The following GASK1A variants were observed in gnomAD, a reference collection of about 807,000 sequenced individuals.
GASK1A encodes Golgi-associated kinase 1A.
A neutral mutation model predicts 41.2 loss-of-function variants in GASK1A; 40 were observed. The ratio of observed to expected loss-of-function variants is 0.97; its 90% confidence interval spans 0.75 to 1.27. The LOEUF is 1.27. Among genes scored for constraint, GASK1A ranks in the 50% most tolerant of loss-of-function variants. GASK1A has a pLI of 0.00. For synonymous variants in GASK1A, 316 were observed against 307.1 expected, an observed-to-expected ratio of 1.03 and a Z score of -0.30; for missense variants, 678 against 745.1, an observed-to-expected ratio of 0.91 and a Z score of 1.05.
rs1486756961 is a variant in GASK1A, at chr3:42,984,701, TA to T, written c.3+5057del. On this transcript the variant is annotated intron_variant, in intron 1 of 4. Transcript: ENST00000430121. The surrounding 1 kb of genome is among the most constrained non-coding windows in gnomAD (Gnocchi z 4.2). Reference sequence around the variant, plus strand: ...AGTGACTTTATTCTAAAGCTTAGCTTAGGGGAAGAGGTACAGGCTCCTGCCT... The same window carrying T: ...AGTGACTTTATTCTAAAGCTTAGCTTGGGGAAGAGGTACAGGCTCCTGCCT... 6.6e-5 allele frequency among the ~76,000 whole-genome samples: 10 copies of T among 152,134 alleles called. No homozygotes were observed. Among genetic ancestry groups the T allele is most frequent in the Non-Finnish European group, 2.9e-5 (2 of 68,034 alleles).
intron 1 of GASK1A, among the ~76,000 whole-genome samples, chr3:43,022,266 T>C (rs2125683348): frequency 6.6e-6 from 1 of 152,308 alleles, no homozygotes; most frequent in African/African-American, 2.4e-5. Context: ...TTTACTTGGG[T>C]GGCCCTCCCT....
At chr3:43,004,187 G>C (rs2089423394) in intron 1 of GASK1A, among the ~76,000 whole-genome samples, 1 of 152,146 alleles carries the variant, frequency 6.6e-6, no homozygotes, top group Admixed American at 6.5e-5. Flanking sequence ...TGAGTTTTTA[G>C]TATTTAGCAT....
chr3:42,994,230 A>C (rs1575435882), intron 1 of GASK1A, among the ~76,000 whole-genome samples: 1 of 152,162 alleles, frequency 6.6e-6, no homozygotes, highest in African/African-American at 2.4e-5. Context: ...TCTCAGGGGC[A>C]TCTTGTATAG....
rs139402589 is a variant in GASK1A at position 43,046,223 on chromosome 3, C to T, written c.1291-7298C>T. Among the ~76,000 whole-genome samples, 301 of 152,262 alleles carry T rather than the reference C, an allele frequency of 2.0e-3. 3 individuals carry two copies. Among genetic ancestry groups the T allele is most frequent in the African/African-American group, 6.9e-3 (286 of 41,550 alleles). On this transcript the variant is annotated intron_variant, in intron 2 of 4. Coordinates refer to ENST00000430121, the MANE Select transcript of GASK1A (RefSeq NM_001129908.3). ...GGAACTTCCTAGAAACTTGTTGAATCGCTTTGAACAAAATGTTGATAGTGA... is the reference window on the plus strand; with the variant it reads ...GGAACTTCCTAGAAACTTGTTGAATTGCTTTGAACAAAATGTTGATAGTGA...
intron 2 of GASK1A, among the ~76,000 whole-genome samples, chr3:43,049,832 C>G (rs928162414): frequency 3.3e-5 from 5 of 152,082 alleles, no homozygotes; most frequent in Non-Finnish European, 7.4e-5. Context: ...ACTGGGATTA[C>G]CATTAACATC....
chr3:43,011,437 G>A (rs1180896488), intron 1 of GASK1A, among the ~76,000 whole-genome samples: 1 of 151,610 alleles, frequency 6.6e-6, no homozygotes, highest in Non-Finnish European at 1.5e-5. Flanking sequence ...ATTGCAAATA[G>A]GAACCTTTTT....
At chr3:42,981,086 GC>G (rs2089280686) in intron 1 of GASK1A, among the ~76,000 whole-genome samples, 1 of 152,190 alleles carries the variant, frequency 6.6e-6, no homozygotes, top group African/African-American at 2.4e-5. Context: ...TGGTGTGTTT[GC>G]CCCACTGCCA....
In GASK1A at chr3:43,014,897, G is replaced by A. The variant is rs533821093; in HGVS notation, c.4-17370G>A. On this transcript the variant is annotated intron_variant, in intron 1 of 4. Transcript: ENST00000430121. ...GAGGCACTGTGAAATCACAGGAAGA[G>A]GCTGTTTTACGCCCTGGGAATGGGC... 8.5e-4 allele frequency among the ~76,000 whole-genome samples: 129 copies of A among 152,182 alleles called. 1 individual carries two copies. Among genetic ancestry groups the A allele is most frequent in the African/African-American group, 2.9e-3 (122 of 41,508 alleles).
At chr3:42,985,094 C>CT (rs1336389355) in intron 1 of GASK1A, among the ~76,000 whole-genome samples, 1 of 147,418 alleles carries the variant, frequency 6.8e-6, no homozygotes, top group African/African-American at 2.4e-5. Context: ...GGTAGAGCTT[C>CT]TAACTGCATT....
At chr3:42,999,195 T>C (rs28601753) in intron 1 of GASK1A, among the ~76,000 whole-genome samples, 24,819 of 152,144 alleles carry the variant, frequency 0.16, 2,207 homozygotes, top group Non-Finnish European at 0.2. Context: ...CTGTCCCCCT[T>C]CTTGAACTTG....
intron 2 of GASK1A, among the ~76,000 whole-genome samples, chr3:43,039,151 C>CAA (rs1483666125): frequency 2.0e-5 from 3 of 147,282 alleles, no homozygotes; most frequent in Non-Finnish European, 3.0e-5. Flanking sequence ...TTTTTTTAAA[C>CAA]ATCTATTTTT....
chr3:43,053,975 C>T (rs566549776), intron 3 of GASK1A: 7 of 388,496 alleles, frequency 1.8e-5, no homozygotes, highest in African/African-American at 8.3e-5. Flanking sequence ...TCAACATCCT[C>T]GTTGTGCCAG....
At chr3:43,006,228 G>A (rs963835627) in intron 1 of GASK1A, among the ~76,000 whole-genome samples, 7 of 152,130 alleles carry the variant, frequency 4.6e-5, no homozygotes, top group African/African-American at 1.7e-4. Flanking sequence ...GTGCACAGCC[G>A]TTGGCTTAGG....
intron 1 of GASK1A, among the ~76,000 whole-genome samples, chr3:42,994,209 AG>A (rs11305751): frequency 0.5 from 76,307 of 151,960 alleles, 20,300 homozygotes; most frequent in East Asian, 0.76. Context: ...GCATGGTCCC[AG>A]GGGTCTGGGT....
At chr3:42,982,743 C>G (rs1275108628) in intron 1 of GASK1A, among the ~76,000 whole-genome samples, 2 of 152,210 alleles carry the variant, frequency 1.3e-5, no homozygotes, top group Non-Finnish European at 2.9e-5. Flanking sequence ...CGGCCTCTTT[C>G]TCTATCCAAG....
Position 42,984,023 on chromosome 3 carries a change from C to T in GASK1A, c.3+4378C>T, listed in dbSNP as rs1330531908. Among the ~76,000 whole-genome samples the T allele has an allele frequency of 6.6e-6, 1 of 152,286 alleles. No homozygotes were observed. The highest frequency in any genetic ancestry group is 1.9e-4 in the East Asian group (1 of 5,168). On this transcript the variant is annotated intron_variant, in intron 1 of 4. Coordinates refer to ENST00000430121, the MANE Select transcript of GASK1A (RefSeq NM_001129908.3). This position sits in a 1 kb window ranked among gnomAD's most constrained non-coding sequence, Gnocchi z 4.2. ...TCTGGGAGGCCCAATGTCTGCTCCC[C>T]ACCTAAGGTACTAGTAGAGACACAG...
intron 1 of GASK1A, among the ~76,000 whole-genome samples, chr3:43,029,964 G>A (rs1185297913): frequency 6.6e-6 from 1 of 152,194 alleles, no homozygotes; most frequent in Non-Finnish European, 1.5e-5. Flanking sequence ...GAAGGGGAAG[G>A]TCAAATGGGT....
At chr3:43,011,380 CAAAAA>C (rs55954875) in intron 1 of GASK1A, among the ~76,000 whole-genome samples, 87 of 87,188 alleles carry the variant, frequency 1.0e-3, no homozygotes, top group Non-Finnish European at 1.2e-3. Flanking sequence ...GACTCCATCT[CAAAAA>C]AAAAAAAAAA....
At chr3:43,010,082 G>A (rs2089455974) in intron 1 of GASK1A, among the ~76,000 whole-genome samples, 1 of 152,174 alleles carries the variant, frequency 6.6e-6, no homozygotes, top group African/African-American at 2.4e-5. Context: ...TCCTGCCCCA[G>A]GGTGCTCTGG....
Sources: allele counts gnomAD v4.1 joint callset (sites outside exome capture counted in the v4.1 genomes callset), GRCh38; gene constraint gnomAD v4.1.1; non-coding constraint Gnocchi (gnomAD v3.1); transcripts MANE v1.5; gene names NCBI Gene and HGNC (gene_info 2026-07-23, HGNC 2026-07-21).